GSTA3: variants seen among roughly 807,000 people sequenced by gnomAD.
GSTA3 encodes glutathione S-transferase alpha 3.
In GSTA3, 16 loss-of-function variants were observed where a neutral mutation model predicts 23.1. That is an observed-to-expected ratio of 0.69 (90% CI 0.47 to 1.05). The LOEUF is 1.05. GSTA3 is among the 50% of genes least tolerant of loss of function. The pLI, the probability that GSTA3 is intolerant of heterozygous loss-of-function variation, is 0.00. For synonymous variants in GSTA3, 122 were observed against 91.0 expected (o/e 1.34, Z -1.94); for missense variants, 319 against 263.6 (o/e 1.21, Z -1.46).
chr6:52,908,900 G>A (rs899519080), intron 1 of GSTA3, among the ~76,000 whole-genome samples: 1 of 151,968 alleles, frequency 6.6e-6, no homozygotes, highest in Non-Finnish European at 1.5e-5. Flanking sequence ...TCACCCTTTG[G>A]TCCCAGATAC....
At chr6:52,908,246 G>A (rs1164802275) in intron 1 of GSTA3, among the ~76,000 whole-genome samples, 5 of 151,716 alleles carry the variant, frequency 3.3e-5, no homozygotes, top group African/African-American at 9.7e-5. Flanking sequence ...CTAGGGCTGG[G>A]CATGGTGGCT....
intron 1 of GSTA3, among the ~76,000 whole-genome samples, chr6:52,909,182 A>C (rs1765988637): frequency 6.6e-6 from 1 of 152,122 alleles, no homozygotes; most frequent in East Asian, 1.9e-4. Flanking sequence ...CTAGAGGAAT[A>C]CGACCATCCA....
chr6:52,897,465 G>A (rs1004266461), intron 6 of GSTA3, among the ~76,000 whole-genome samples: 4 of 152,180 alleles, frequency 2.6e-5, no homozygotes, highest in Non-Finnish European at 4.4e-5. Context: ...GATGGAAAGG[G>A]CCCTGCTCAG....
At chr6:52,900,553 T>C (rs1765646398) in intron 4 of GSTA3, among the ~76,000 whole-genome samples, 2 of 152,188 alleles carry the variant, frequency 1.3e-5, no homozygotes, top group Admixed American at 1.3e-4. Context: ...TGAGCCACCA[T>C]GCCTGGCTGC....
intron 2 of GSTA3, among the ~76,000 whole-genome samples, chr6:52,904,550 C>T (rs1213917035): frequency 6.6e-6 from 1 of 152,186 alleles, no homozygotes; most frequent in African/African-American, 2.4e-5. Context: ...TTCAGGTCCA[C>T]ACAGCGCTGT....
chr6:52,898,460 C>T (rs1434934808), intron 5 of GSTA3, among the ~76,000 whole-genome samples: 1 of 152,134 alleles, frequency 6.6e-6, no homozygotes, highest in African/African-American at 2.4e-5. Flanking sequence ...TGATTCAGAG[C>T]CTTCCACAGC....
intron 4 of GSTA3, among the ~76,000 whole-genome samples, chr6:52,900,546 G>A (rs1162006606): frequency 4.6e-5 from 7 of 152,146 alleles, no homozygotes; most frequent in Admixed American, 4.6e-4. Flanking sequence ...ATAGGGGTGA[G>A]CCACCATGCC....
intron 5 of GSTA3, among the ~76,000 whole-genome samples, chr6:52,898,388 T>C (rs1765536650): frequency 6.6e-6 from 1 of 152,022 alleles, no homozygotes; most frequent in Non-Finnish European, 1.5e-5. Flanking sequence ...CCTCCAGGAG[T>C]AGACTATTTC....
At chr6:52,905,518 T>C (rs1296174223) in intron 2 of GSTA3, among the ~76,000 whole-genome samples, 1 of 152,090 alleles carries the variant, frequency 6.6e-6, no homozygotes, top group Non-Finnish European at 1.5e-5. Context: ...GTTAATTCTT[T>C]TCAAAATATA....
chr6:52,906,798 A>C (rs1202335006), intron 1 of GSTA3, among the ~76,000 whole-genome samples: 1 of 151,188 alleles, frequency 6.6e-6, no homozygotes, highest in Non-Finnish European at 1.5e-5. Flanking sequence ...CTTACACCTT[A>C]TACAAAAATC....
At chr6:52,907,255 A>C (rs2127364632) in intron 1 of GSTA3, among the ~76,000 whole-genome samples, 1 of 114,178 alleles carries the variant, frequency 8.8e-6, no homozygotes, top group Admixed American at 1.0e-4. Flanking sequence ...GAGAAATGCA[A>C]ATCAAAACCA....
Position 52,905,732 on chromosome 6 carries a change from C to G in GSTA3, c.87+16G>C. 2 of 1,478,964 alleles carry G rather than the reference C, an allele frequency of 1.4e-6. No homozygotes were observed. The highest frequency in any genetic ancestry group is 1.1e-5 in the South Asian group (1 of 87,242). The allele number at this position is 1,478,964 out of a possible 1,614,324, so 91.6% of individuals were successfully genotyped here. ...TCAATTAGGTCCAACTTAAGATGAC[C>G]TAACTTAGAACATACCTCCACTCCA... is the stretch of plus-strand genomic sequence containing the variant. On this transcript the variant is annotated intron_variant, in intron 2 of 6. Transcript: ENST00000211122.
chr6:52,902,361 A>T lies in GSTA3; in HGVS notation c.257T>A (p.Ile86Lys), dbSNP rs946482051. 6.2e-6 allele frequency: 10 copies of T among 1,613,644 alleles called. No individual in the cohort carries two copies. Among genetic ancestry groups the T allele is most frequent in the African/African-American group, 1.3e-5 (1 of 74,864 alleles). ...ASKYNLYGKD[I>K]KERALIDMYT... ...TATACCGTACAGGGCTCTCTCCTTT[A>T]TGTCTTTCCCGTAGAGGTTGTATTT... is the stretch of plus-strand genomic sequence containing the variant. Residue 86 changes from isoleucine (I) to lysine (K), a missense_variant, in exon 4 of 7, where the codon ATA (isoleucine) becomes AAA (lysine). Transcript: ENST00000211122.
At chr6:52,900,837 G>C (rs1250357354) in intron 4 of GSTA3, among the ~76,000 whole-genome samples, 1 of 151,962 alleles carries the variant, frequency 6.6e-6, no homozygotes, top group Non-Finnish European at 1.5e-5. Flanking sequence ...AGCCATCTCA[G>C]TCATGTTCCT....
chr6:52,897,725 A>T, intron 6 of GSTA3, 100 bp downstream of exon 6: 1 of 1,393,270 alleles, frequency 7.2e-7, no homozygotes, highest in Non-Finnish European at 1.0e-6. Context: ...AAGGCCTGAA[A>T]AAGGCTGGGG....
rs758181577 is a variant in GSTA3, at chr6:52,900,091, A to C, written c.273-16T>G. On this transcript the variant is annotated splice_polypyrimidine_tract_variant and intron_variant, in intron 4 of 6. Transcript: ENST00000211122. ...CATATCAATTCTGAAAGACAAAAAC[A>C]GCCAAAGCATCAAATGCCTCTTGCC... 1 of 1,592,298 alleles carries C rather than the reference A, an allele frequency of 6.3e-7. No individual in the cohort carries two copies. The highest frequency in any genetic ancestry group is 1.8e-5 in the Admixed American group (1 of 54,922).
chr6:52,898,787 C>T (rs996486691), intron 5 of GSTA3, among the ~76,000 whole-genome samples: 1 of 152,168 alleles, frequency 6.6e-6, no homozygotes, highest in Non-Finnish European at 1.5e-5. Context: ...ACAGATGGAA[C>T]AACGGTGAGC....
chr6:52,897,862 A>T lies in GSTA3; in HGVS notation c.509T>A (p.Leu170His). The T allele has an allele frequency of 6.2e-7, 1 of 1,613,888 alleles. No individual in the cohort carries two copies. Among genetic ancestry groups the T allele is most frequent in the Non-Finnish European group, 8.5e-7 (1 of 1,179,896 alleles). ...LVELLYYVEELDSSLISNFPL... is the reference protein window; with the variant it reads ...LVELLYYVEEHDSSLISNFPL... ...GAAGTTGGAGATAAGGCTGGAGTCA[A>T]GCTCTTCCACATAGTAGAGAAGTTC... is the stretch of plus-strand genomic sequence containing the variant. The change falls in exon 6 of 7, where the codon CTT (leucine) becomes CAT (histidine). Residue 170 changes from leucine (L) to histidine (H), a missense_variant. Transcript: ENST00000211122.
At chr6:52,901,592 G>A (rs150654428) in intron 4 of GSTA3, among the ~76,000 whole-genome samples, 12 of 152,262 alleles carry the variant, frequency 7.9e-5, no homozygotes, top group South Asian at 2.1e-4. Context: ...TGCACTGTAC[G>A]TTTATGTACA....
Sources: gnomAD v4.1 joint callset for allele counts (sites outside exome capture counted in the v4.1 genomes callset) on GRCh38, gnomAD v4.1.1 for gene constraint, MANE v1.5 for transcripts, NCBI Gene and HGNC (gene_info 2026-07-23, HGNC 2026-07-21) for gene names.